Variants in ERC2 observed in about 807,000 individuals in gnomAD.
The protein encoded by ERC2 is ERC protein 2.
A neutral mutation model predicts 114.8 loss-of-function variants in ERC2; 42 were observed. The ratio of observed to expected loss-of-function variants is 0.37; its 90% confidence interval spans 0.29 to 0.47. The LOEUF (loss-of-function observed/expected upper bound fraction) is 0.47, where lower values mean the gene tolerates loss of function less well. Among genes scored for constraint, ERC2 ranks in the 20% least tolerant of loss-of-function variants. The pLI is 0.99. For missense variants in ERC2, 939 were observed against 1,150.7 expected (o/e 0.82, Z 2.66); for synonymous variants, 454 against 425.5 (o/e 1.07, Z -0.82).
At chr3:56,444,882 T>C (rs764751865) in intron 1 of ERC2, among the ~76,000 whole-genome samples, 44 of 152,296 alleles carry the variant, frequency 2.9e-4, no homozygotes, top group Non-Finnish European at 4.7e-4. Context: ...TTTCCAAAAT[T>C]CTGTGTCACA....
chr3:56,240,224 T>C (rs914184172), intron 3 of ERC2, among the ~76,000 whole-genome samples: 6 of 152,194 alleles, frequency 3.9e-5, no homozygotes, highest in African/African-American at 1.4e-4. Context: ...CACAGAATTG[T>C]ATCTCTGAAA....
chr3:55,609,234 T>G (rs933836460), intron 17 of ERC2, among the ~76,000 whole-genome samples: 1 of 152,210 alleles, frequency 6.6e-6, no homozygotes, highest in Non-Finnish European at 1.5e-5. Flanking sequence ...GCAACACATT[T>G]GCCCCCACTT....
At chr3:55,741,376 C>T (rs2065955350) in intron 14 of ERC2, among the ~76,000 whole-genome samples, 1 of 151,962 alleles carries the variant, frequency 6.6e-6, no homozygotes, top group Admixed American at 6.6e-5. Context: ...TCTGATGCAC[C>T]ACTTTTTTTT....
At chr3:55,844,391 C>A (rs1007862829) in intron 14 of ERC2, among the ~76,000 whole-genome samples, 10 of 152,174 alleles carry the variant, frequency 6.6e-5, no homozygotes, top group African/African-American at 2.4e-4. Context: ...GAAGTACACA[C>A]AACCAGATGG....
intron 3 of ERC2, among the ~76,000 whole-genome samples, chr3:56,197,713 C>A (rs915527751): frequency 2.6e-5 from 4 of 152,180 alleles, no homozygotes; most frequent in African/African-American, 9.7e-5. Flanking sequence ...TGGTCTTCAC[C>A]CAACTGGCTG....
intron 16 of ERC2, among the ~76,000 whole-genome samples, chr3:55,692,453 A>T (rs1257439904): frequency 6.6e-6 from 1 of 152,194 alleles, no homozygotes; most frequent in Admixed American, 6.5e-5. Context: ...CACAACATCG[A>T]TGAGGACATA....
At chr3:55,976,063 G>C (rs1217002161) in intron 12 of ERC2, among the ~76,000 whole-genome samples, 1 of 152,092 alleles carries the variant, frequency 6.6e-6, no homozygotes, top group Non-Finnish European at 1.5e-5. Context: ...GGGCTACCTA[G>C]CGATCCCAAA....
intron 1 of ERC2, among the ~76,000 whole-genome samples, chr3:56,446,631 T>C (rs1300214485): frequency 7.1e-6 from 1 of 141,774 alleles, no homozygotes; most frequent in African/African-American, 2.6e-5. Context: ...TTTTCTTTCT[T>C]TTTTTTTTTT....
intron 1 of ERC2, among the ~76,000 whole-genome samples, chr3:56,449,155 T>C (rs2062720234): frequency 6.6e-6 from 1 of 150,730 alleles, no homozygotes; most frequent in African/African-American, 2.4e-5. Flanking sequence ...ACGTCACACA[T>C]ATGTGCCCCT....
At chr3:55,969,372 G>C (rs1463917215) in intron 12 of ERC2, among the ~76,000 whole-genome samples, 1 of 147,862 alleles carries the variant, frequency 6.8e-6, no homozygotes, top group African/African-American at 2.5e-5. Flanking sequence ...GAAAGTCGCT[G>C]GTCAGGAATT....
intron 7 of ERC2, among the ~76,000 whole-genome samples, chr3:56,036,197 G>T (rs1365461645): frequency 6.6e-6 from 1 of 152,180 alleles, no homozygotes; most frequent in Non-Finnish European, 1.5e-5. Context: ...GGCATAAGAT[G>T]AATGTGCCTC....
chr3:56,278,147 T>A (rs917036696), intron 3 of ERC2, among the ~76,000 whole-genome samples: 1 of 152,220 alleles, frequency 6.6e-6, no homozygotes. Context: ...TTAGTCATGA[T>A]GATGACAACA....
intron 17 of ERC2, among the ~76,000 whole-genome samples, chr3:55,539,754 C>G (rs2054266301): frequency 1.3e-5 from 2 of 152,054 alleles, no homozygotes; most frequent in African/African-American, 4.8e-5. Flanking sequence ...ACTGAAAGCT[C>G]TAAGTCCTGC....
intron 14 of ERC2, among the ~76,000 whole-genome samples, chr3:55,806,213 T>C (rs2059481477): frequency 1.3e-5 from 2 of 151,680 alleles, no homozygotes; most frequent in Admixed American, 1.3e-4. Context: ...CATGTGCCTG[T>C]AATCCCAGCT....
In ERC2 at chr3:56,459,288, C is replaced by T. The variant is rs1210722452; in HGVS notation, c.-141+8960G>A. Among the ~76,000 whole-genome samples, 5 of 152,194 alleles carry T rather than the reference C, an allele frequency of 3.3e-5. No individual in the cohort carries two copies. The East Asian group carries it at 5.8e-4, about 18-fold the overall frequency. On this transcript the variant is annotated intron_variant, in intron 1 of 17. Transcript: ENST00000288221. ...CATACCATTTAGCAGAAATCTTTCA[C>T]GGTTTGCATAAGGATCTGAGCATAT...
intron 14 of ERC2, among the ~76,000 whole-genome samples, chr3:55,831,880 G>T (rs1010700373): frequency 1.1e-4 from 17 of 152,320 alleles, no homozygotes; most frequent in African/African-American, 4.1e-4. Flanking sequence ...ACGGCACCTG[G>T]AAAATCGGGT....
intron 2 of ERC2, among the ~76,000 whole-genome samples, chr3:56,419,546 T>C (rs9836290): frequency 0.046 from 6,993 of 152,306 alleles, 406 homozygotes; most frequent in African/African-American, 0.13. Context: ...ATCTTACCAA[T>C]GTACATACCC....
chr3:56,372,273 T>C (rs2059386454), intron 2 of ERC2, among the ~76,000 whole-genome samples: 1 of 152,236 alleles, frequency 6.6e-6, no homozygotes, highest in African/African-American at 2.4e-5. Context: ...CTAATTATTA[T>C]AACAATACAT....
chr3:56,011,135 A>C (rs552037947), intron 8 of ERC2, among the ~76,000 whole-genome samples: 11 of 152,382 alleles, frequency 7.2e-5, no homozygotes, highest in Admixed American at 7.2e-4. Context: ...ACAAAGAATC[A>C]GTCCATTGTG....
Sources: gnomAD v4.1 joint callset for allele counts (sites outside exome capture counted in the v4.1 genomes callset) on GRCh38, gnomAD v4.1.1 for gene constraint, MANE v1.5 for transcripts, NCBI Gene and HGNC (gene_info 2026-07-23, HGNC 2026-07-21) for gene names.